Variants in USP48 observed in about 807,000 individuals in gnomAD.
USP48 encodes the protein ubiquitin specific peptidase 48.
A neutral mutation model predicts 150.7 loss-of-function variants in USP48; 43 were observed. The observed-to-expected ratio is 0.29, with a 90% CI of 0.22 to 0.37. USP48 has a LOEUF of 0.37. Among genes scored for constraint, USP48 ranks in the 10% least tolerant of loss-of-function variants. USP48 has a pLI of 1.00. For synonymous variants in USP48, 396 were observed against 425.9 expected, an observed-to-expected ratio of 0.93 and a Z score of 0.86; for missense variants, 813 against 1,249.6, an observed-to-expected ratio of 0.65 and a Z score of 5.27.
intron 9 of USP48, among the ~76,000 whole-genome samples, chr1:21,736,090 G>C (rs151242740): frequency 1.1e-3 from 165 of 151,802 alleles, no homozygotes; most frequent in South Asian, 4.8e-3. Flanking sequence ...AAAAAATTTT[G>C]ACAAAATTTT....
chr1:21,695,194 T>G lies in USP48; in HGVS notation c.2755A>C (p.Ile919Leu), dbSNP rs1421017351. 2.5e-6 allele frequency: 4 copies of G among 1,612,090 alleles called. No individual in the cohort carries two copies. Among genetic ancestry groups the G allele is most frequent in the Non-Finnish European group, 3.4e-6 (4 of 1,179,426 alleles). The change falls in exon 23 of 27, where the codon ATA becomes CTA. Residue 919 changes from isoleucine to leucine, a missense_variant. By Grantham distance (5) the Ile-to-Leu change is conservative. Coordinates refer to ENST00000308271, the MANE Select transcript of USP48 (RefSeq NM_032236.8). ...QSNGGTKRQK[I>L]SHQNYIAYQK... ...TAGGCTATATAATTTTGATGGGATA[T>G]CTTTTGCCGCTTTGTTCCACCATTG... is the stretch of plus-strand genomic sequence containing the variant.
chr1:21,701,061 T>A (rs1488316265), intron 22 of USP48, among the ~76,000 whole-genome samples: 3 of 49,396 alleles, frequency 6.1e-5, no homozygotes, highest in Admixed American at 3.6e-4. Flanking sequence ...CTAGGATCCA[T>A]CTCAAAAAAA....
intron 11 of USP48, 54 bp from the exon 12 acceptor site, chr1:21,724,149 A>G (rs1472080313): frequency 1.3e-6 from 2 of 1,552,360 alleles, no homozygotes; most frequent in Non-Finnish European, 1.8e-6. Context: ...TTTTTGACTA[A>G]GTGATACATT....
rs529840027 is a variant in USP48 at position 21,750,589 on chromosome 1, T to C, written c.774+918A>G. Among the ~76,000 whole-genome samples, 35 of 152,224 alleles carry C rather than the reference T, an allele frequency of 2.3e-4. No individual in the cohort carries two copies. In the East Asian group the frequency reaches 2.3e-3, roughly 10 times the overall value. ...ACAGTAAGCATTCAATAAATATTCA[T>C]TGGCCAGGCGCGGTGGTTCACGTGT... On this transcript the variant is annotated intron_variant, in intron 6 of 26. Transcript: ENST00000308271.
intron 1 of USP48, among the ~76,000 whole-genome samples, chr1:21,763,683 C>T (rs1331850967): frequency 6.6e-6 from 1 of 152,116 alleles, no homozygotes; most frequent in Non-Finnish European, 1.5e-5. Context: ...GGCGTGGTGG[C>T]ACATGCCTGT....
chr1:21,693,654 C>A (rs1354428472), intron 23 of USP48, among the ~76,000 whole-genome samples: 1 of 152,210 alleles, frequency 6.6e-6, no homozygotes, highest in Non-Finnish European at 1.5e-5. Context: ...TTAAAAATGT[C>A]TTTAGGCACA....
At chr1:21,776,060 G>A (rs898197925) in intron 1 of USP48, among the ~76,000 whole-genome samples, 2 of 152,172 alleles carry the variant, frequency 1.3e-5, no homozygotes, top group Admixed American at 6.6e-5. Context: ...ACAGGGAAAT[G>A]TAAAGAGAAA....
At chr1:21,750,175 A>T (rs1402112311) in intron 6 of USP48, among the ~76,000 whole-genome samples, 1 of 151,732 alleles carries the variant, frequency 6.6e-6, no homozygotes, top group African/African-American at 2.4e-5. Flanking sequence ...CCCTTGTGTC[A>T]CCTCCACGAC....
chr1:21,683,061 G>A (rs570218208), intron 25 of USP48, among the ~76,000 whole-genome samples: 1 of 152,050 alleles, frequency 6.6e-6, no homozygotes, highest in Non-Finnish European at 1.5e-5. Flanking sequence ...AGGAATTTGA[G>A]ACCAGCCTGG....
intron 6 of USP48, among the ~76,000 whole-genome samples, chr1:21,750,882 C>CAA (rs112902798): frequency 1.5e-4 from 17 of 113,392 alleles, no homozygotes; most frequent in Non-Finnish European, 1.3e-4. Context: ...AACTCCATCT[C>CAA]AAAAAAAAAA....
chr1:21,706,062 T>C, intron 18 of USP48, 64 bp downstream of exon 18: 1 of 1,545,198 alleles, frequency 6.5e-7, no homozygotes. Flanking sequence ...CACGATATCT[T>C]AAAAAATACC....
chr1:21,688,181 G>T (rs557745596), intron 24 of USP48, among the ~76,000 whole-genome samples: 1 of 152,152 alleles, frequency 6.6e-6, no homozygotes, highest in East Asian at 1.9e-4. Context: ...AGGCCCTTAG[G>T]GAGGGTAGAA....
intron 1 of USP48, among the ~76,000 whole-genome samples, chr1:21,777,483 A>G (rs2097902694): frequency 6.6e-6 from 1 of 152,138 alleles, no homozygotes; most frequent in African/African-American, 2.4e-5. Context: ...TGGGTAACAT[A>G]GTAAGACCCC....
intron 15 of USP48, among the ~76,000 whole-genome samples, chr1:21,709,435 A>C (rs1233694970): frequency 6.6e-6 from 1 of 152,132 alleles, no homozygotes; most frequent in Non-Finnish European, 1.5e-5. Flanking sequence ...ATGAAAGAAA[A>C]AGGTTAATTG....
chr1:21,778,460 A>C (rs2097905756), intron 1 of USP48, among the ~76,000 whole-genome samples: 2 of 151,980 alleles, frequency 1.3e-5, no homozygotes, highest in African/African-American at 4.8e-5. Context: ...CTGGAAAGTA[A>C]CCTGACAATT....
chr1:21,710,158 A>T (rs2097686532), intron 15 of USP48, among the ~76,000 whole-genome samples: 1 of 152,218 alleles, frequency 6.6e-6, no homozygotes, highest in Non-Finnish European at 1.5e-5. Context: ...CTTAAATTTT[A>T]AGAGAAAGCC....
rs2097561227 is a variant in USP48 at position 21,679,964 on chromosome 1, G to C, written c.3086-525C>G. Reference sequence around the variant, plus strand: ...CCGTCTCAACCTCCAAAAGTGCTGGGATTACAGGCGTGAGCCACCATGCCC... The same window carrying C: ...CCGTCTCAACCTCCAAAAGTGCTGGCATTACAGGCGTGAGCCACCATGCCC... On this transcript the variant is annotated intron_variant, in intron 26 of 26. Coordinates refer to ENST00000308271, the MANE Select transcript of USP48 (RefSeq NM_032236.8). 2.6e-5 allele frequency among the ~76,000 whole-genome samples: 4 copies of C among 152,308 alleles called. No individual in the cohort carries two copies. In the South Asian group the frequency reaches 8.3e-4, roughly 32 times the overall value.
At chr1:21,723,507 C>T (rs2097727745) in intron 12 of USP48, among the ~76,000 whole-genome samples, 1 of 148,790 alleles carries the variant, frequency 6.7e-6, no homozygotes, top group Admixed American at 6.7e-5. Context: ...GAGTGAGACT[C>T]CATCTCAAAA....
rs78261979 is a variant in USP48, at chr1:21,714,195, C to A, written c.1963+1194G>T. On this transcript the variant is annotated intron_variant, in intron 15 of 26. Transcript: ENST00000308271. ...GTCCTAAATATTAGCAATAAATTAC[C>A]ACATAACAAGAAACACATGAACATG... 1.7e-3 allele frequency among the ~76,000 whole-genome samples: 262 copies of A among 152,258 alleles called. 2 individuals are homozygous for A. The highest frequency in any genetic ancestry group is 5.9e-3 in the African/African-American group (243 of 41,536).
Sources: gnomAD v4.1 joint callset for allele counts (sites outside exome capture counted in the v4.1 genomes callset) on GRCh38, gnomAD v4.1.1 for gene constraint, MANE v1.5 for transcripts, NCBI Gene and HGNC (gene_info 2026-07-23, HGNC 2026-07-21) for gene names.